The following HK1 variants were observed in gnomAD, a reference collection of about 807,000 sequenced individuals.
HK1 encodes hexokinase 1, also known as hexokinase-1.
In HK1, 28 loss-of-function variants were observed where a neutral mutation model predicts 91.6. The ratio of observed to expected loss-of-function variants is 0.31; its 90% CI spans 0.23 to 0.42. The LOEUF (loss-of-function observed/expected upper bound fraction) is 0.42. Ranked by LOEUF, HK1 falls within the 10% of genes least tolerant of loss-of-function variation. The probability of loss-of-function intolerance (pLI) is 1.00; values close to 1 mark genes in which losing one functional copy is unlikely to be tolerated. For missense variants in HK1, 770 were observed against 1,219.8 expected (o/e 0.63, Z 5.49); for synonymous variants, 430 against 468.1 (o/e 0.92, Z 1.05).
At position 69,364,767 on chromosome 10, in the gene HK1, C is replaced by T; in HGVS notation, c.376-16C>T. 1 of 1,614,154 alleles carries T rather than the reference C, an allele frequency of 6.2e-7. No individual in the cohort carries two copies. Among genetic ancestry groups the T allele is most frequent in the Non-Finnish European group, 8.5e-7 (1 of 1,180,032 alleles). ...CCTGCTTTGGGGCCCCCTGACTGCTCTCATGTTTCCTTCAGCTTTTTGATC... is the reference window on the plus strand; with the variant it reads ...CCTGCTTTGGGGCCCCCTGACTGCTTTCATGTTTCCTTCAGCTTTTTGATC... On this transcript the variant is annotated splice_polypyrimidine_tract_variant and intron_variant, in intron 3 of 17. Transcript: ENST00000359426.
intron 2 of HK1, among the ~76,000 whole-genome samples, chr10:69,283,038 A>G (rs1366763425): frequency 1.3e-5 from 2 of 149,046 alleles, no homozygotes; most frequent in Non-Finnish European, 3.0e-5. Context: ...AGGCAGGAGA[A>G]TCGCTTGAAC....
Position 69,379,919 on chromosome 10 carries a change from G to T in HK1, c.1089G>T (p.Pro363=). Reference sequence around the variant, plus strand: ...TCCTGACCCGCCTGGGAGTGGAGCCGTCCGATGATGACTGTGTCTCAGTCC... The same window carrying T: ...TCCTGACCCGCCTGGGAGTGGAGCCTTCCGATGATGACTGTGTCTCAGTCC... The part of the protein sequence containing the change: ...KEILTRLGVE[P]SDDDCVSVQH... The change falls in exon 9 of 18, where the codon CCG becomes CCT. Residue 363 remains proline, a synonymous_variant. Transcript: ENST00000359426. The T allele has an allele frequency of 6.2e-7, 1 of 1,614,170 alleles. No individual in the cohort carries two copies. The highest frequency in any genetic ancestry group is 1.1e-5 in the South Asian group (1 of 91,082).
rs142724189 is a variant in HK1, at chr10:69,380,022, C to T, written c.1192C>T (p.Arg398Cys). 5.0e-6 allele frequency: 8 copies of T among 1,614,014 alleles called. No homozygotes were observed. Among genetic ancestry groups the T allele is most frequent in the Admixed American group, 3.3e-5 (2 of 59,992 alleles). The change falls in exon 9 of 18, where the codon CGT becomes TGT. Residue 398 changes from arginine (R) to cysteine (C), a missense_variant. Around this residue, in one of 7 missense-constraint regions of HK1, gnomAD observed 449 missense variants for 665.1 expected, o/e 0.68. Coordinates refer to ENST00000359426, the MANE Select transcript of HK1 (RefSeq NM_000188.3). This position sits in a 1 kb window ranked among gnomAD's most constrained non-coding sequence, Gnocchi z 4.0. ...ACTGGGCGCCATCTTGAACCGCCTG[C>T]GTGATAACAAGGGCACACCCAGGCT... ...ATLGAILNRL[R>C]DNKGTPRLRT... is the part of the protein sequence containing the mutation.
chr10:69,300,889 A>C, intron 5 of HK1: 1 of 1,119,854 alleles, frequency 8.9e-7, no homozygotes, highest in Non-Finnish European at 1.4e-6. Flanking sequence ...GAATACCCAC[A>C]AAAACCTATT....
intron 2 of HK1, among the ~76,000 whole-genome samples, chr10:69,354,457 G>C (rs886533043): frequency 6.6e-6 from 1 of 152,106 alleles, no homozygotes; most frequent in Non-Finnish European, 1.5e-5. Context: ...CTGAGCGAAG[G>C]GGGAAGAGCT....
intron 1 of HK1, among the ~76,000 whole-genome samples, chr10:69,332,830 C>T (rs1847805140): frequency 6.6e-6 from 1 of 152,136 alleles, no homozygotes; most frequent in Non-Finnish European, 1.5e-5. Flanking sequence ...CCAGCTCACA[C>T]CTGTAGACAC....
At chr10:69,287,933 G>A (rs1845106295) in intron 2 of HK1, among the ~76,000 whole-genome samples, 1 of 149,772 alleles carries the variant, frequency 6.7e-6, no homozygotes, top group Non-Finnish European at 1.5e-5. Flanking sequence ...GAGACCAGGG[G>A]TTCAAGACCA....
upstream of HK1, among the ~76,000 whole-genome samples, chr10:69,311,056 CAAA>C (rs35246952): frequency 1.5e-5 from 2 of 133,792 alleles, no homozygotes; most frequent in Non-Finnish European, 3.3e-5. Flanking sequence ...GACTCCGTCT[CAAA>C]AAAAAAAAAA....
In HK1 at chr10:69,380,008, T is replaced by C; in HGVS notation, c.1178T>C (p.Ile393Thr). Residue 393 changes from isoleucine to threonine, a missense_variant, in exon 9 of 18, where the codon ATC becomes ACC. This residue lies in a region of HK1 where 449 missense variants were observed against 665.1 expected (regional missense o/e 0.68). Transcript: ENST00000359426. This position sits in a 1 kb window ranked among gnomAD's most constrained non-coding sequence, Gnocchi z 4.0. ...TTGGTGGCTGCCACACTGGGCGCCA[T>C]CTTGAACCGCCTGCGTGATAACAAG... The part of the protein sequence containing the change: ...ANLVAATLGA[I>T]LNRLRDNKGT... 1 of 1,614,138 alleles carries C rather than the reference T, an allele frequency of 6.2e-7. No homozygotes were observed.
intron 4 of HK1, among the ~76,000 whole-genome samples, chr10:69,300,225 C>G (rs1378973494): frequency 6.6e-6 from 1 of 151,824 alleles, no homozygotes. Flanking sequence ...CATTTCCTGT[C>G]CTGACAGTAT....
chr10:69,275,374 T>TA (rs1257955625), intron 1 of HK1, among the ~76,000 whole-genome samples: 2 of 148,872 alleles, frequency 1.3e-5, no homozygotes, highest in East Asian at 2.0e-4. Context: ...AAAAAATACA[T>TA]AAAAAATAAA....
chr10:69,295,755 G>A lies in HK1; in HGVS notation c.-67+75G>A, dbSNP rs1845532936. The A allele has an allele frequency of 5.1e-6, 5 of 976,592 alleles. No homozygotes were observed. In the Admixed American group the frequency reaches 7.2e-5, roughly 14 times the overall value. 60.5% of individuals were successfully genotyped at this position (976,592 alleles called of 1,614,324 possible). On this transcript the variant is annotated intron_variant, in intron 4 of 21. Coordinates refer to the HK1 transcript ENST00000360289. Reference sequence around the variant, plus strand: ...AAGATAGTGCGTGGCAATCCCCTTTGGGATAATGATTTTCAGCCAGCCAAG... The same window carrying A: ...AAGATAGTGCGTGGCAATCCCCTTTAGGATAATGATTTTCAGCCAGCCAAG...
chr10:69,396,785 G>T (rs1589592287), intron 16 of HK1, among the ~76,000 whole-genome samples: 1 of 152,260 alleles, frequency 6.6e-6, no homozygotes, highest in East Asian at 1.9e-4. Context: ...GGGTTCAAGC[G>T]ATTCTCCTGC....
At chr10:69,389,476 A>AGGGGGGG in intron 14 of HK1, 180 bp downstream of exon 14, 25 of 191,724 alleles carry the variant, frequency 1.3e-4, no homozygotes, top group Middle Eastern at 4.8e-4. Flanking sequence ...TGGCGGGGGG[A>AGGGGGGG]GGTGGGGGGG....
chr10:69,392,399 G>C (rs1379163700), intron 15 of HK1, 91 bp downstream of exon 15: 1 of 1,382,348 alleles, frequency 7.2e-7, no homozygotes, highest in Non-Finnish European at 1.0e-6. Context: ...AAGTTTCTAG[G>C]AGGAGAGGTC....
chr10:69,289,714 C>T (rs552204611), intron 3 of HK1, among the ~76,000 whole-genome samples: 34 of 151,678 alleles, frequency 2.2e-4, no homozygotes, highest in African/African-American at 7.0e-4. Context: ...TCATATGATC[C>T]GCCCACCTCA....
chr10:69,389,351 G>T, intron 14 of HK1, 55 bp downstream of exon 14: 1 of 1,308,094 alleles, frequency 7.6e-7, no homozygotes, highest in Middle Eastern at 1.8e-4. Context: ...GGGTTTCCCC[G>T]TTTTGTGGGG....
chr10:69,400,266 C>T (rs1840327118), intron 17 of HK1, among the ~76,000 whole-genome samples: 1 of 152,244 alleles, frequency 6.6e-6, no homozygotes, highest in African/African-American at 2.4e-5. Flanking sequence ...GCACTCCGCC[C>T]ACCTAATAGG....
intron 4 of HK1, among the ~76,000 whole-genome samples, chr10:69,367,628 C>G (rs753396017): frequency 6.6e-6 from 1 of 150,764 alleles, no homozygotes; most frequent in South Asian, 2.1e-4. Flanking sequence ...CTGGTGCATA[C>G]TCCAGTCTGT....
Sources: gnomAD v4.1 joint callset for allele counts (sites outside exome capture counted in the v4.1 genomes callset) on GRCh38, gnomAD v4.1.1 for gene constraint, gnomAD v4.1.1 regional missense constraint, Gnocchi (gnomAD v3.1) non-coding constraint, MANE v1.5 for transcripts, NCBI Gene and HGNC (gene_info 2026-07-23, HGNC 2026-07-21) for gene names.